PLD5: variants seen among roughly 807,000 people sequenced by gnomAD.
PLD5 encodes the protein inactive phospholipase D5.
Under a neutral mutation model 61.1 loss-of-function variants are expected in PLD5, and 36 were observed. The observed-to-expected ratio is 0.59, with a 90% confidence interval of 0.45 to 0.78. The LOEUF (loss-of-function observed/expected upper bound fraction) is 0.78. PLD5 is among the 30% of genes least tolerant of loss of function. The pLI is 0.00. For missense variants in PLD5, 515 were observed against 644.4 expected, an observed-to-expected ratio of 0.80 and a Z score of 2.17; for synonymous variants, 243 against 242.8, an observed-to-expected ratio of 1.00 and a Z score of -0.01.
At chr1:242,277,109 C>A (rs1452478024) in intron 3 of PLD5, among the ~76,000 whole-genome samples, 2 of 152,104 alleles carry the variant, frequency 1.3e-5, no homozygotes, top group African/African-American at 4.8e-5. Context: ...ACTCTGGCTG[C>A]AGAGGGGACA....
At position 242,450,225 on chromosome 1, in the gene PLD5, A is replaced by C. The variant is rs569742310; in HGVS notation, c.189+73863T>G. On this transcript the variant is annotated intron_variant, in intron 1 of 9. Transcript: ENST00000536534. The stretch of plus-strand genomic sequence containing the variant: ...CAGCTGAACCTCATCCAAAGCTCAG[A>C]CAGGACTCTTTAGAATAATAGTACA... 2.6e-5 allele frequency among the ~76,000 whole-genome samples: 4 copies of C among 152,326 alleles called. No individual in the cohort carries two copies. The South Asian group carries it at 6.2e-4, about 24-fold the overall frequency.
At chr1:242,377,894 C>T (rs1028527017) in intron 1 of PLD5, among the ~76,000 whole-genome samples, 1 of 152,082 alleles carries the variant, frequency 6.6e-6, no homozygotes, top group Non-Finnish European at 1.5e-5. Context: ...GTGGAGAAAT[C>T]GGAACCCTAT....
intron 1 of PLD5, chr1:242,377,526 G>C: frequency 3.3e-6 from 2 of 607,262 alleles, no homozygotes; most frequent in Non-Finnish European, 6.0e-6. Context: ...TGGACGCCAT[G>C]CCACTCAGTC....
At chr1:242,168,629 T>C (rs1666496726) in intron 5 of PLD5, among the ~76,000 whole-genome samples, 1 of 152,184 alleles carries the variant, frequency 6.6e-6, no homozygotes, top group African/African-American at 2.4e-5. Flanking sequence ...GTACCACTGA[T>C]GATATGCAAA....
chr1:242,287,204 T>C (rs1675075293), intron 3 of PLD5, among the ~76,000 whole-genome samples: 1 of 152,146 alleles, frequency 6.6e-6, no homozygotes. Flanking sequence ...CCAGCTGAGA[T>C]ACCAGATATG....
intron 1 of PLD5, among the ~76,000 whole-genome samples, chr1:242,447,317 G>A (rs1289777944): frequency 6.6e-6 from 1 of 152,220 alleles, no homozygotes; most frequent in South Asian, 2.1e-4. Context: ...TGAGGTCAAG[G>A]AGAGTGTTTT....
At chr1:242,161,737 C>T (rs1362947396) in intron 5 of PLD5, among the ~76,000 whole-genome samples, 1 of 147,302 alleles carries the variant, frequency 6.8e-6, no homozygotes, top group Non-Finnish European at 1.5e-5. Context: ...AGATCTCGTC[C>T]AGAAGTAATA....
chr1:242,225,722 TG>T (rs1445914922), intron 4 of PLD5, among the ~76,000 whole-genome samples: 3 of 152,286 alleles, frequency 2.0e-5, no homozygotes, highest in African/African-American at 7.2e-5. Context: ...TTCTCTTTGC[TG>T]TTAAGTGATA....
chr1:242,491,670 C>T (rs919107329), intron 1 of PLD5, among the ~76,000 whole-genome samples: 2 of 152,186 alleles, frequency 1.3e-5, no homozygotes, highest in Non-Finnish European at 2.9e-5. Context: ...TCTCATTTGT[C>T]AGTTTTATGT....
At chr1:242,250,095 C>T (rs968466619) in intron 4 of PLD5, among the ~76,000 whole-genome samples, 2 of 152,128 alleles carry the variant, frequency 1.3e-5, no homozygotes, top group Non-Finnish European at 2.9e-5. Flanking sequence ...TTGTTAAACC[C>T]TTCTAAATCT....
intron 1 of PLD5, among the ~76,000 whole-genome samples, chr1:242,429,101 C>G (rs1396202227): frequency 6.6e-6 from 1 of 152,146 alleles, no homozygotes; most frequent in Non-Finnish European, 1.5e-5. Context: ...GTTGAATGAC[C>G]ACGAAAAAGT....
chr1:242,441,505 GCTTA>G (rs1409807682), intron 1 of PLD5, among the ~76,000 whole-genome samples: 1 of 151,820 alleles, frequency 6.6e-6, no homozygotes. Flanking sequence ...AATTAATTTG[GCTTA>G]CTAAGCTTAT....
chr1:242,114,080 A>T, intron 6 of PLD5, 54 bp from the exon 7 acceptor site: 2 of 1,580,568 alleles, frequency 1.3e-6, no homozygotes, highest in Non-Finnish European at 1.7e-6. Flanking sequence ...GCAGCTGGGG[A>T]TTTATTTATT....
At chr1:242,327,636 G>A (rs1658881744) in intron 2 of PLD5, among the ~76,000 whole-genome samples, 1 of 152,160 alleles carries the variant, frequency 6.6e-6, no homozygotes, top group Non-Finnish European at 1.5e-5. Context: ...GAGGCAAAAA[G>A]GCCATCCTAA....
At chr1:242,241,906 T>C (rs1388650137) in intron 4 of PLD5, among the ~76,000 whole-genome samples, 3 of 44,914 alleles carry the variant, frequency 6.7e-5, no homozygotes, top group Non-Finnish European at 1.3e-4. Flanking sequence ...TATATATATA[T>C]ATATACTTAC....
intron 2 of PLD5, among the ~76,000 whole-genome samples, chr1:242,339,562 T>C (rs1396539717): frequency 6.6e-6 from 1 of 152,218 alleles, no homozygotes; most frequent in African/African-American, 2.4e-5. Flanking sequence ...TGCCAGCCCT[T>C]GAGTCTCTGC....
chr1:242,291,488 G>A (rs1181974566), intron 2 of PLD5, among the ~76,000 whole-genome samples: 1 of 152,064 alleles, frequency 6.6e-6, no homozygotes, highest in Non-Finnish European at 1.5e-5. Flanking sequence ...ATCTCAGCTG[G>A]GAGGTGGGGA....
At chr1:242,187,371 C>G (rs1667974610) in intron 5 of PLD5, among the ~76,000 whole-genome samples, 1 of 152,206 alleles carries the variant, frequency 6.6e-6, no homozygotes, top group Non-Finnish European at 1.5e-5. Context: ...CTTGAGTCAT[C>G]ATAGCAGTCC....
At chr1:242,444,596 A>C (rs1193670480) in intron 1 of PLD5, among the ~76,000 whole-genome samples, 1 of 148,346 alleles carries the variant, frequency 6.7e-6, no homozygotes, top group East Asian at 1.9e-4. Context: ...TCAGGAACAT[A>C]ATCAAAAGCC....
Sources: gnomAD v4.1 joint callset for allele counts (sites outside exome capture counted in the v4.1 genomes callset) on GRCh38, gnomAD v4.1.1 for gene constraint, MANE v1.5 for transcripts, NCBI Gene and HGNC (gene_info 2026-07-23, HGNC 2026-07-21) for gene names.